Variants in PAK2 observed in about 807,000 individuals in gnomAD.
PAK2 encodes the protein serine/threonine-protein kinase PAK 2.
Under a neutral mutation model 65.9 loss-of-function variants are expected in PAK2, and 21 were observed. That is an observed-to-expected ratio of 0.32 (90% confidence interval 0.23 to 0.46). PAK2 has a LOEUF of 0.46. Ranked by LOEUF, PAK2 falls within the 20% of genes least tolerant of loss-of-function variation. PAK2 has a pLI of 1.00. For synonymous variants in PAK2, 204 were observed against 219.7 expected (o/e 0.93, Z 0.63); for missense variants, 324 against 642.6 (o/e 0.50, Z 5.36).
intron 1 of PAK2, among the ~76,000 whole-genome samples, chr3:196,779,737 A>G (rs1714646193): frequency 6.6e-6 from 1 of 152,118 alleles, no homozygotes; most frequent in Non-Finnish European, 1.5e-5. Flanking sequence ...CAATGGCATG[A>G]TCTCAGCTCT....
At chr3:196,809,104 G>A (rs1381400864) in intron 7 of PAK2, among the ~76,000 whole-genome samples, 2 of 150,682 alleles carry the variant, frequency 1.3e-5, no homozygotes, top group African/African-American at 2.4e-5. Flanking sequence ...GAAAATTAAC[G>A]AGACCTGGTG....
Position 196,783,028 on chromosome 3 carries a change from C to T in PAK2, c.187+195C>T, listed in dbSNP as rs116361305. 7.4e-3 allele frequency among the ~76,000 whole-genome samples: 1,123 copies of T among 152,132 alleles called. 14 individuals are homozygous for T. The highest frequency in any genetic ancestry group is 0.025 in the African/African-American group (1,052 of 41,512). On this transcript the variant is annotated intron_variant, in intron 2 of 14. Coordinates refer to ENST00000327134, the MANE Select transcript of PAK2 (RefSeq NM_002577.4). ...GAATAAAATGTAAATTTGTTTCTCACCCTGCTTGTTATGGCCAATGAATTT... is the reference window on the plus strand; with the variant it reads ...GAATAAAATGTAAATTTGTTTCTCATCCTGCTTGTTATGGCCAATGAATTT...
rs1711612609 is a variant in PAK2 at position 196,820,614 on chromosome 3, C to T, written c.1350+47C>T. The T allele has an allele frequency of 8.9e-7, 1 of 1,126,102 alleles. No homozygotes were observed. The allele number at this position is 1,126,102 out of a possible 1,614,324, so 69.8% of individuals were successfully genotyped here. A position where few individuals can be genotyped will look rare whatever the true frequency, so the allele number is the denominator to read the frequency against. On this transcript the variant is annotated intron_variant, in intron 13 of 14. Coordinates refer to ENST00000327134, the MANE Select transcript of PAK2 (RefSeq NM_002577.4). This position sits in a 1 kb window ranked among gnomAD's most constrained non-coding sequence, Gnocchi z 4.6. ...CCTTGTTCAATGTTTTTCTTTGAAA[C>T]TCTTATTTAGAACTTGCACGTGCCT...
rs113885707 is a variant in PAK2 at position 196,768,956 on chromosome 3, C to T, written c.-21-13670C>T. On this transcript the variant is annotated intron_variant, in intron 1 of 14. Transcript: ENST00000327134. ...TGCTGGGATTACAGGTGTGAGCCACCGTGCCCGGCCTACTTTTATTTTTTT... is the reference window on the plus strand; with the variant it reads ...TGCTGGGATTACAGGTGTGAGCCACTGTGCCCGGCCTACTTTTATTTTTTT... Among the ~76,000 whole-genome samples the T allele has an allele frequency of 5.3e-3, 799 of 151,916 alleles. 14 individuals are homozygous for T. Among genetic ancestry groups the T allele is most frequent in the African/African-American group, 0.018 (747 of 41,298 alleles).
chr3:196,829,216 T>A lies in PAK2; in HGVS notation c.*811T>A. The A allele has an allele frequency of 6.6e-6, 1 of 152,656 alleles. No homozygotes were observed. The highest frequency in any genetic ancestry group is 1.5e-5 in the Non-Finnish European group (1 of 68,050). The allele number at this position is 152,656 out of a possible 1,614,324, so 9.5% of individuals were successfully genotyped here. ...GTCTTCCCTTCTGCCTGTTTCCCCT[T>A]CAGGCTTGGCTCTAGGAACCAAAGT... On this transcript the variant is annotated 3_prime_UTR_variant, in exon 15 of 15. Coordinates refer to ENST00000327134, the MANE Select transcript of PAK2 (RefSeq NM_002577.4).
At chr3:196,750,153 ATTTTTTGTATTT>A (rs897435345) in intron 1 of PAK2, among the ~76,000 whole-genome samples, 2 of 151,668 alleles carry the variant, frequency 1.3e-5, no homozygotes, top group African/African-American at 4.8e-5. Context: ...CGCCTGGCTA[ATTTTTTGTATTT>A]TTTTTGTAGA....
chr3:196,821,804 C>G (rs950199540), intron 13 of PAK2, among the ~76,000 whole-genome samples: 1 of 152,128 alleles, frequency 6.6e-6, no homozygotes, highest in South Asian at 2.1e-4. Flanking sequence ...GAAGTTAATA[C>G]GGAATTACCA....
rs1370182220 is a variant in PAK2, at chr3:196,830,660, C to G, written c.*2255C>G. The G allele has an allele frequency of 6.6e-6, 1 of 152,192 alleles. No individual in the cohort carries two copies. Among genetic ancestry groups the G allele is most frequent in the Non-Finnish European group, 1.5e-5 (1 of 68,046 alleles). 9.4% of individuals were successfully genotyped at this position (152,192 alleles called of 1,614,324 possible). A position where few individuals can be genotyped will look rare whatever the true frequency, so the allele number is the denominator to read the frequency against. On this transcript the variant is annotated 3_prime_UTR_variant, in exon 15 of 15. Coordinates refer to ENST00000327134, the MANE Select transcript of PAK2 (RefSeq NM_002577.4). ...TAGTTACCTGCACGTCCATTGCTGGCAACTGACTTGTCATTAAAACCTGGC... is the reference window on the plus strand; with the variant it reads ...TAGTTACCTGCACGTCCATTGCTGGGAACTGACTTGTCATTAAAACCTGGC...
intron 6 of PAK2, 105 bp from the exon 7 acceptor site, chr3:196,807,677 G>A: frequency 1.6e-6 from 1 of 633,960 alleles, no homozygotes; most frequent in Non-Finnish European, 2.8e-6. Flanking sequence ...CAATGGAAAA[G>A]ACTACTTAGT....
intron 5 of PAK2, among the ~76,000 whole-genome samples, chr3:196,805,801 ACAGT>A (rs1336376677): frequency 6.6e-6 from 1 of 152,050 alleles, no homozygotes; most frequent in East Asian, 1.9e-4. Flanking sequence ...TCGCATAAAC[ACAGT>A]CAGTTTTTGG....
chr3:196,765,823 A>C (rs946176558), intron 1 of PAK2, among the ~76,000 whole-genome samples: 5 of 152,230 alleles, frequency 3.3e-5, no homozygotes, highest in Admixed American at 3.3e-4. Flanking sequence ...TTTGAAAAAC[A>C]CATTTTGAGT....
intron 1 of PAK2, chr3:196,747,428 C>T (rs1267587763): frequency 3.9e-5 from 6 of 152,280 alleles, no homozygotes; most frequent in Admixed American, 3.9e-4. Flanking sequence ...CAATGTTCTT[C>T]TGCTCAGTAT....
At chr3:196,774,797 T>C (rs1166320861) in intron 1 of PAK2, among the ~76,000 whole-genome samples, 1 of 152,166 alleles carries the variant, frequency 6.6e-6, no homozygotes, top group Non-Finnish European at 1.5e-5. Context: ...ATAATTAAGG[T>C]ATATTTAACC....
At chr3:196,819,383 C>T (rs996135272) in intron 12 of PAK2, among the ~76,000 whole-genome samples, 4 of 152,026 alleles carry the variant, frequency 2.6e-5, no homozygotes, top group Non-Finnish European at 4.4e-5. Flanking sequence ...CAGAGGTTGC[C>T]GTGAGCCGAA....
chr3:196,828,640 T>G lies in PAK2; in HGVS notation c.*235T>G, dbSNP rs1473192747. 2.2e-6 allele frequency: 1 copy of G among 460,538 alleles called. No homozygotes were observed. Among genetic ancestry groups the G allele is most frequent in the African/African-American group, 2.1e-5 (1 of 48,246 alleles). The allele number at this position is 460,538 out of a possible 1,614,324, so 28.5% of individuals were successfully genotyped here. A position where few individuals can be genotyped will look rare whatever the true frequency, so the allele number is the denominator to read the frequency against. ...GAATTGTGGACTGAATCACTAGCCT[T>G]AGGTCTTTCAGCAAACAGCCTATCA... On this transcript the variant is annotated 3_prime_UTR_variant, in exon 15 of 15. Coordinates refer to ENST00000327134, the MANE Select transcript of PAK2 (RefSeq NM_002577.4).
In PAK2 at chr3:196,828,576, T is replaced by G. The variant is rs1406716995; in HGVS notation, c.*171T>G. The G allele has an allele frequency of 6.8e-6, 4 of 591,114 alleles. No individual in the cohort carries two copies. Among genetic ancestry groups the G allele is most frequent in the Non-Finnish European group, 1.2e-5 (4 of 336,076 alleles). The allele number at this position is 591,114 out of a possible 1,614,324, so 36.6% of individuals were successfully genotyped here. ...CAAGAGAAAATTGCAAAAAGACAAGTATGACTTTTATATGAACCCCTTCTT... is the reference window on the plus strand; with the variant it reads ...CAAGAGAAAATTGCAAAAAGACAAGGATGACTTTTATATGAACCCCTTCTT... On this transcript the variant is annotated 3_prime_UTR_variant, in exon 15 of 15. Coordinates refer to ENST00000327134, the MANE Select transcript of PAK2 (RefSeq NM_002577.4).
At chr3:196,745,282 A>ATTTTTT (rs34194625) in intron 1 of PAK2, among the ~76,000 whole-genome samples, 116 of 92,742 alleles carry the variant, frequency 1.3e-3, no homozygotes, top group African/African-American at 1.6e-3. Flanking sequence ...CACCCAACTG[A>ATTTTTT]TTTTTTTTTT....
chr3:196,826,271 A>C (rs575435283), intron 13 of PAK2, among the ~76,000 whole-genome samples: 72 of 151,980 alleles, frequency 4.7e-4, no homozygotes, highest in African/African-American at 1.7e-3. Flanking sequence ...TCCCGGGTTC[A>C]CGTCATTGTC....
At chr3:196,747,650 T>C (rs1713434433) in intron 1 of PAK2, among the ~76,000 whole-genome samples, 1 of 152,234 alleles carries the variant, frequency 6.6e-6, no homozygotes, top group Non-Finnish European at 1.5e-5. Flanking sequence ...CTGTTGGTAA[T>C]ATACAGAGTT....
Sources: allele counts gnomAD v4.1 joint callset (sites outside exome capture counted in the v4.1 genomes callset), GRCh38; gene constraint gnomAD v4.1.1; non-coding constraint Gnocchi (gnomAD v3.1); transcripts MANE v1.5; gene names NCBI Gene and HGNC (gene_info 2026-07-23, HGNC 2026-07-21).